Variants in CUL3 observed in about 807,000 individuals in gnomAD.
CUL3 encodes the protein cullin-3.
Under a neutral mutation model 89.1 loss-of-function variants are expected in CUL3, and 19 were observed. The observed-to-expected ratio is 0.21, with a 90% confidence interval of 0.15 to 0.31. The LOEUF is 0.31. CUL3 is among the 10% of genes least tolerant of loss of function. The pLI is 1.00. For missense variants in CUL3, 469 were observed against 942.3 expected (o/e 0.50, Z 6.58); for synonymous variants, 351 against 308.4 (o/e 1.14, Z -1.45).
intron 14 of CUL3, among the ~76,000 whole-genome samples, chr2:224,481,111 T>C (rs1691523927): frequency 6.6e-6 from 1 of 152,132 alleles, no homozygotes; most frequent in Non-Finnish European, 1.5e-5. Flanking sequence ...TAATATACAA[T>C]ATAAATAACA....
Position 224,511,591 on chromosome 2 carries a change from T to TA in CUL3, c.655-10dup, listed in dbSNP as rs2106216439. On this transcript the variant is annotated splice_polypyrimidine_tract_variant and intron_variant, in intron 5 of 15. Transcript: ENST00000264414. Reference sequence around the variant, plus strand: ...AATTTCTGGCTTTCCATCTGCCATTTAAAAATATATATATTTTTTAAACAT... The same window carrying TA: ...AATTTCTGGCTTTCCATCTGCCATTTAAAAAATATATATATTTTTTAAACAT... 1 of 1,415,176 alleles carries TA rather than the reference T, an allele frequency of 7.1e-7. No individual in the cohort carries two copies. The highest frequency in any genetic ancestry group is 9.7e-7 in the Non-Finnish European group (1 of 1,030,794). The allele number at this position is 1,415,176 out of a possible 1,614,324, so 87.7% of individuals were successfully genotyped here.
chr2:224,499,610 C>A, intron 11 of CUL3: 1 of 206,018 alleles, frequency 4.9e-6, no homozygotes, highest in Non-Finnish European at 1.1e-5. Context: ...GATAACTAAT[C>A]TACACCATGC....
At chr2:224,506,785 G>T (rs1471036247) in intron 7 of CUL3, 73 bp downstream of exon 7, 2 of 1,331,944 alleles carry the variant, frequency 1.5e-6, no homozygotes, top group Non-Finnish European at 1.1e-6. Flanking sequence ...ACACAGCATG[G>T]TAAAAGTGGC....
At chr2:224,546,898 C>T (rs755885163) in intron 2 of CUL3, among the ~76,000 whole-genome samples, 5 of 152,090 alleles carry the variant, frequency 3.3e-5, no homozygotes, top group African/African-American at 7.2e-5. Context: ...ACACTATCCC[C>T]GACAAGTCTC....
intron 12 of CUL3, 91 bp downstream of exon 12, chr2:224,497,658 GAAGT>G (rs1276426869): frequency 1.5e-5 from 13 of 884,148 alleles, no homozygotes; most frequent in Middle Eastern, 2.3e-4. Context: ...CAGAGAAACA[GAAGT>G]AAGTAATTTA....
chr2:224,557,240 AAAAT>A (rs1694741492), intron 2 of CUL3, among the ~76,000 whole-genome samples: 1 of 152,164 alleles, frequency 6.6e-6, no homozygotes, highest in Non-Finnish European at 1.5e-5. Context: ...GAACTCAGTT[AAAAT>A]AAAGTCAATT....
rs541072655 is a variant in CUL3 at position 224,471,719 on chromosome 2, C to T, written c.*2526G>A. On this transcript the variant is annotated 3_prime_UTR_variant, in exon 16 of 16. Transcript: ENST00000264414. ...TGTGAGGCTGTGCGTTCCCTAATTG[C>T]AATGAATTTTCAGTCTTTAAATAAT... The T allele has an allele frequency of 1.5e-4, 34 of 223,370 alleles. No homozygotes were observed. The highest frequency in any genetic ancestry group is 6.5e-4 in the African/African-American group (29 of 44,904). 13.8% of individuals were successfully genotyped at this position (223,370 alleles called of 1,614,324 possible).
intron 3 of CUL3, among the ~76,000 whole-genome samples, chr2:224,526,585 C>CAAAA (rs1166152595): frequency 1.3e-3 from 34 of 26,148 alleles, no homozygotes; most frequent in Non-Finnish European, 2.0e-3. Flanking sequence ...GACTCCGTCT[C>CAAAA]AAAAAAAAAA....
chr2:224,527,004 T>C (rs983813354), intron 3 of CUL3, among the ~76,000 whole-genome samples: 3 of 152,206 alleles, frequency 2.0e-5, no homozygotes, highest in African/African-American at 7.2e-5. Flanking sequence ...CCTGGTTTCC[T>C]TGACATAAGG....
chr2:224,560,660 C>T (rs1694873982), intron 1 of CUL3: 1 of 152,600 alleles, frequency 6.6e-6, no homozygotes, highest in Non-Finnish European at 1.5e-5. Context: ...ACCACTTCCA[C>T]TGCTACTATC....
intron 8 of CUL3, 72 bp from the exon 9 acceptor site, chr2:224,503,894 G>T: frequency 1.8e-6 from 2 of 1,124,648 alleles, no homozygotes; most frequent in Non-Finnish European, 2.4e-6. Flanking sequence ...TTCATTTACA[G>T]CTTAAAAACA....
At chr2:224,582,126 C>G (rs1237882077) in intron 1 of CUL3, among the ~76,000 whole-genome samples, 2 of 152,032 alleles carry the variant, frequency 1.3e-5, no homozygotes, top group Non-Finnish European at 2.9e-5. Flanking sequence ...CACCACGCCC[C>G]GCTAATTTTT....
chr2:224,500,611 A>T, intron 10 of CUL3, 124 bp from the exon 11 acceptor site: 1 of 923,722 alleles, frequency 1.1e-6, no homozygotes, highest in South Asian at 2.6e-5. Context: ...ATTTAAAAAA[A>T]AGCAGATTTT....
At chr2:224,504,361 G>C (rs554197095) in intron 8 of CUL3, 2 of 152,108 alleles carry the variant, frequency 1.3e-5, no homozygotes, top group Non-Finnish European at 2.9e-5. Context: ...GCCCAGGCTG[G>C]AGCGCAATGG....
intron 3 of CUL3, among the ~76,000 whole-genome samples, chr2:224,530,204 A>C (rs1320276486): frequency 1.3e-5 from 2 of 152,192 alleles, no homozygotes; most frequent in Non-Finnish European, 2.9e-5. Context: ...GCGCCACTGC[A>C]CTCCAGCCTG....
chr2:224,533,892 A>G (rs1693783288), intron 3 of CUL3, among the ~76,000 whole-genome samples: 1 of 152,202 alleles, frequency 6.6e-6, no homozygotes, highest in Non-Finnish European at 1.5e-5. Context: ...CAGGGGTAAT[A>G]GGCCTGACTG....
intron 2 of CUL3, among the ~76,000 whole-genome samples, chr2:224,545,211 G>C (rs1007085316): frequency 5.3e-5 from 8 of 152,040 alleles, no homozygotes; most frequent in African/African-American, 1.9e-4. Flanking sequence ...CTAATGATGA[G>C]ATTCCTGAAT....
In CUL3 at chr2:224,506,004, T is replaced by C. The variant is rs2106202933; in HGVS notation, c.1158A>G (p.Glu386=). The change falls in exon 8 of 16, where the codon GAA becomes GAG. Residue 386 remains glutamate (E), a synonymous_variant. Coordinates refer to ENST00000264414, the MANE Select transcript of CUL3 (RefSeq NM_003590.5). ...YFLNLNSRSP[E]YLSLFIDDKL... is the part of the protein sequence containing the mutation. ...TATCATCAATAAATAATGAGAGGTATTCAGGAGACCTGGAGTTGAGGTTGA... is the reference window on the plus strand; with the variant it reads ...TATCATCAATAAATAATGAGAGGTACTCAGGAGACCTGGAGTTGAGGTTGA... 4.3e-6 allele frequency: 7 copies of C among 1,611,586 alleles called. No homozygotes were observed. The highest frequency in any genetic ancestry group is 1.1e-5 in the South Asian group (1 of 90,608).
chr2:224,552,184 T>C (rs1011955591), intron 2 of CUL3, among the ~76,000 whole-genome samples: 1 of 152,188 alleles, frequency 6.6e-6, no homozygotes, highest in African/African-American at 2.4e-5. Context: ...TAAACGTCTT[T>C]AAATCTGAAA....
Sources: gnomAD v4.1 joint callset for allele counts (sites outside exome capture counted in the v4.1 genomes callset) on GRCh38, gnomAD v4.1.1 for gene constraint, MANE v1.5 for transcripts, NCBI Gene and HGNC (gene_info 2026-07-23, HGNC 2026-07-21) for gene names.